OSTM1: variants seen among roughly 807,000 people sequenced by gnomAD.
OSTM1 encodes the protein osteoclastogenesis associated transmembrane protein 1.
Under a neutral mutation model 35.4 loss-of-function variants are expected in OSTM1, and 26 were observed. That is an observed-to-expected ratio of 0.73 (90% CI 0.54 to 1.02). The LOEUF (loss-of-function observed/expected upper bound fraction) is 1.02. Among genes scored for constraint, OSTM1 ranks in the 50% least tolerant of loss-of-function variants. The probability of loss-of-function intolerance (pLI) is 0.00; values close to 1 mark genes in which losing one functional copy is unlikely to be tolerated. For synonymous variants in OSTM1, 181 were observed against 165.0 expected (o/e 1.10, Z -0.75); for missense variants, 366 against 409.6 (o/e 0.89, Z 0.92).
Position 108,051,052 on chromosome 6 carries a change from T to A in OSTM1, c.762A>T (p.Leu254Phe), listed in dbSNP as rs756936481. 4 of 1,613,538 alleles carry A rather than the reference T, an allele frequency of 2.5e-6. No individual in the cohort carries two copies. The highest frequency in any genetic ancestry group is 3.4e-6 in the Non-Finnish European group (4 of 1,179,712). ...TTACTGCATCTTCCACATCAATGCA[T>A]AAATGTGTTCCAGGTTCAGCCTTAT... ...LENKAEPGTH[L>F]CIDVEDAMNI... The change falls in exon 4 of 6, where the codon TTA becomes TTT. Residue 254 changes from leucine to phenylalanine, a missense_variant. Leu to Phe is a conservative substitution (Grantham distance 22, BLOSUM62 0). Transcript: ENST00000193322.
rs1771936000 is a variant in OSTM1 at position 108,044,725 on chromosome 6, A to G, written c.*60T>C. ...AATCACAGTTTATCTTCTTTCTGAA[A>G]CCAAGTTGTGTCTTCCACCATTCAT... On this transcript the variant is annotated 3_prime_UTR_variant, in exon 6 of 6. Transcript: ENST00000193322. 3.2e-6 allele frequency: 3 copies of G among 938,834 alleles called. No individual in the cohort carries two copies. The highest frequency in any genetic ancestry group is 5.2e-6 in the Non-Finnish European group (3 of 580,458). 58.2% of individuals were successfully genotyped at this position (938,834 alleles called of 1,614,324 possible). A position where few individuals can be genotyped will look rare whatever the true frequency, so the allele number is the denominator to read the frequency against.
At chr6:108,072,339 A>G in intron 1 of OSTM1, among the ~76,000 whole-genome samples, 1 of 152,172 alleles carries the variant, frequency 6.6e-6, no homozygotes, top group East Asian at 1.9e-4. Flanking sequence ...ATTTACCTCG[A>G]AAATATGTCC....
At chr6:108,056,704 A>G (rs1772176512) in intron 2 of OSTM1, among the ~76,000 whole-genome samples, 1 of 152,200 alleles carries the variant, frequency 6.6e-6, no homozygotes, top group Admixed American at 6.5e-5. Flanking sequence ...CCCCTTGTGC[A>G]GGGCTCCTTC....
Position 108,062,013 on chromosome 6 carries a change from G to GT in OSTM1, c.517+2171dup, listed in dbSNP as rs1772281777. Among the ~76,000 whole-genome samples the GT allele has an allele frequency of 2.6e-5, 4 of 151,392 alleles. No homozygotes were observed. In the South Asian group the frequency reaches 6.2e-4, roughly 24 times the overall value. ...TAGTACCAAACCTTCTATATACTAC[G>GT]TTTTTTTCTATTTCTATGTTTTTTT... On this transcript the variant is annotated intron_variant, in intron 2 of 5. Coordinates refer to ENST00000193322, the MANE Select transcript of OSTM1 (RefSeq NM_014028.4).
chr6:108,069,648 T>G (rs1043429356), intron 1 of OSTM1, among the ~76,000 whole-genome samples: 2 of 152,174 alleles, frequency 1.3e-5, no homozygotes, highest in Admixed American at 6.5e-5. Flanking sequence ...ACAATGAAAC[T>G]ATGTCCCTAT....
intron 1 of OSTM1, among the ~76,000 whole-genome samples, chr6:108,068,932 G>A (rs1772430530): frequency 6.6e-6 from 1 of 152,138 alleles, no homozygotes; most frequent in African/African-American, 2.4e-5. Flanking sequence ...TGCTCACTGT[G>A]CTGTGTTCTA....
intron 1 of OSTM1, among the ~76,000 whole-genome samples, chr6:108,066,762 G>A (rs1235312198): frequency 6.6e-6 from 1 of 152,112 alleles, no homozygotes; most frequent in African/African-American, 2.4e-5. Context: ...AGAGCAATGT[G>A]GGACCCATGC....
At chr6:108,050,094 A>C (rs968560726) in intron 4 of OSTM1, among the ~76,000 whole-genome samples, 1 of 152,328 alleles carries the variant, frequency 6.6e-6, no homozygotes, top group East Asian at 1.9e-4. Flanking sequence ...GGAGAAAAAA[A>C]AATTTTTTTT....
intron 4 of OSTM1, 193 bp from the exon 5 acceptor site, chr6:108,049,611 A>G: frequency 7.5e-7 from 1 of 1,334,674 alleles, no homozygotes; most frequent in African/African-American, 1.5e-5. Context: ...CATTGTAGAA[A>G]TTTATATCCA....
rs1480884452 is a variant in OSTM1 at position 108,042,122 on chromosome 6, T to C, written c.*2663A>G. ...TAAGTAACATTTACCAACTAGACTCTGGGCTACACTTTAAAATATCTGATG... is the reference window on the plus strand; with the variant it reads ...TAAGTAACATTTACCAACTAGACTCCGGGCTACACTTTAAAATATCTGATG... On this transcript the variant is annotated 3_prime_UTR_variant, in exon 6 of 6. Coordinates refer to ENST00000193322, the MANE Select transcript of OSTM1 (RefSeq NM_014028.4). The C allele has an allele frequency of 6.6e-6, 1 of 151,754 alleles. No individual in the cohort carries two copies. Among genetic ancestry groups the C allele is most frequent in the Admixed American group, 6.6e-5 (1 of 15,232 alleles). The allele number at this position is 151,754 out of a possible 1,614,324, so 9.4% of individuals were successfully genotyped here.
chr6:108,074,333 G>A lies in OSTM1; in HGVS notation c.319C>T (p.Arg107Trp). The part of the protein sequence containing the change: ...ELTGCLVRSA[R>W]PVRLCQTCYP... Reference sequence around the variant, plus strand: ...CAGGTCTGACAGAGGCGCACGGGCCGGGCGCTGCGCACCAGACACCCTGTC... The same window carrying A: ...CAGGTCTGACAGAGGCGCACGGGCCAGGCGCTGCGCACCAGACACCCTGTC... Residue 107 changes from arginine (R) to tryptophan (W), a missense_variant, in exon 1 of 6, where the codon CGG (arginine) becomes TGG (tryptophan). Physicochemically the swap from Arg to Trp is moderately radical, Grantham distance 101 (BLOSUM62 -3). Around this residue, in one of 3 missense-constraint regions of OSTM1, gnomAD observed 236 missense variants for 239.3 expected, o/e 0.99. Transcript: ENST00000193322. 6.2e-7 allele frequency: 1 copy of A among 1,610,304 alleles called. No individual in the cohort carries two copies. Among genetic ancestry groups the A allele is most frequent in the Non-Finnish European group, 8.5e-7 (1 of 1,179,158 alleles).
At chr6:108,068,434 G>C (rs193042938) in intron 1 of OSTM1, among the ~76,000 whole-genome samples, 7 of 152,248 alleles carry the variant, frequency 4.6e-5, no homozygotes, top group Admixed American at 3.9e-4. Flanking sequence ...CTGAGTTAAT[G>C]ATCTTCGCCC....
intron 1 of OSTM1, 125 bp downstream of exon 1, chr6:108,074,125 A>T (rs1158201063): frequency 3.2e-6 from 3 of 944,232 alleles, no homozygotes; most frequent in Non-Finnish European, 4.8e-6. Flanking sequence ...CCAACTCTAC[A>T]GACTCAGTCC....
Position 108,041,410 on chromosome 6 carries a change from T to G in OSTM1, c.*3375A>C, listed in dbSNP as rs1582382459. On this transcript the variant is annotated 3_prime_UTR_variant, in exon 6 of 6. Transcript: ENST00000193322. Reference sequence around the variant, plus strand: ...TGTAAGAAGCATGGATCAGTCAAATTATCTTTTAAAAGCCCTCTTTAATTC... The same window carrying G: ...TGTAAGAAGCATGGATCAGTCAAATGATCTTTTAAAAGCCCTCTTTAATTC... 6.6e-6 allele frequency: 1 copy of G among 152,180 alleles called. No individual in the cohort carries two copies. The highest frequency in any genetic ancestry group is 2.4e-5 in the African/African-American group (1 of 41,442). The allele number at this position is 152,180 out of a possible 1,614,324, so 9.4% of individuals were successfully genotyped here. A position where few individuals can be genotyped will look rare whatever the true frequency, so the allele number is the denominator to read the frequency against.
In OSTM1 at chr6:108,044,837, T is replaced by C. The variant is rs1771938725; in HGVS notation, c.953A>G (p.Lys318Arg). 2 of 1,533,618 alleles carry C rather than the reference T, an allele frequency of 1.3e-6. No individual in the cohort carries two copies. Among genetic ancestry groups the C allele is most frequent in the Non-Finnish European group, 1.8e-6 (2 of 1,118,746 alleles). The stretch of plus-strand genomic sequence containing the variant: ...AAAACTGGTACTGGACTTGAGACGT[T>C]TGGCTAGATAAATCAAAAGAATTAT... ...EQKKRKLILP[K>R]RLKSSTSFAN... Residue 318 changes from lysine (K) to arginine (R), a missense_variant, in exon 6 of 6, where the codon AAA becomes AGA. By Grantham distance (26) the Lys-to-Arg change is conservative. Coordinates refer to ENST00000193322, the MANE Select transcript of OSTM1 (RefSeq NM_014028.4).
intron 1 of OSTM1, among the ~76,000 whole-genome samples, chr6:108,067,269 A>G (rs1338555488): frequency 2.0e-5 from 3 of 151,996 alleles, no homozygotes; most frequent in South Asian, 4.2e-4. Flanking sequence ...CTACCCCTAC[A>G]TGCAACCTCT....
At chr6:108,067,792 T>G in intron 1 of OSTM1, among the ~76,000 whole-genome samples, 1 of 130,646 alleles carries the variant, frequency 7.7e-6, no homozygotes, top group Admixed American at 9.6e-5. Context: ...GATTGTGCCA[T>G]GCACTCCAGC....
chr6:108,069,035 T>C (rs955660240), intron 1 of OSTM1, among the ~76,000 whole-genome samples: 1 of 152,198 alleles, frequency 6.6e-6, no homozygotes, highest in South Asian at 2.1e-4. Flanking sequence ...CTGTGTTCTC[T>C]CAAATTGTAG....
At chr6:108,074,104 T>A (rs1300754391) in intron 1 of OSTM1, 146 bp downstream of exon 1, 1 of 778,674 alleles carries the variant, frequency 1.3e-6, no homozygotes, top group African/African-American at 1.7e-5. Flanking sequence ...CCACCCCCTT[T>A]TTCTGATGAC....
Sources: gnomAD v4.1 joint callset for allele counts (sites outside exome capture counted in the v4.1 genomes callset) on GRCh38, gnomAD v4.1.1 for gene constraint, gnomAD v4.1.1 regional missense constraint, MANE v1.5 for transcripts, NCBI Gene and HGNC (gene_info 2026-07-23, HGNC 2026-07-21) for gene names.